The following SMS variants were observed in gnomAD, a reference collection of about 807,000 sequenced individuals.
SMS encodes the protein spermine synthase, also known as spermidine aminopropyltransferase.
In SMS, 3 loss-of-function variants were observed where a neutral mutation model predicts 33.0. That is an observed-to-expected ratio of 0.09 (90% CI 0.04 to 0.23). The LOEUF (loss-of-function observed/expected upper bound fraction) is 0.23, where lower values mean the gene tolerates loss of function less well. Ranked by LOEUF, SMS falls within the 10% of genes least tolerant of loss-of-function variation. The probability of loss-of-function intolerance (pLI) is 1.00; values close to 1 mark genes in which losing one functional copy is unlikely to be tolerated. For missense variants in SMS, 117 were observed against 288.6 expected (o/e 0.41, Z 4.31); for synonymous variants, 103 against 112.2 (o/e 0.92, Z 0.52).
chrX:21,985,246 C>G, intron 9 of SMS, 23 bp downstream of exon 9: 1 of 956,724 alleles, frequency 1.0e-6, no homozygotes, highest in Non-Finnish European at 1.5e-6. Flanking sequence ...ACAGTTTTTT[C>G]CCTCAAAACG....
intron 2 of SMS, among the ~76,000 whole-genome samples, chrX:21,969,086 A>G (rs1286241861): frequency 1.8e-5 from 2 of 111,086 alleles, no homozygotes; most frequent in African/African-American, 6.6e-5. Context: ...ACCCACCTCC[A>G]TGATATTCCA....
At chrX:21,943,484 C>T (rs1197471632) in intron 1 of SMS, among the ~76,000 whole-genome samples, 1 of 111,071 alleles carries the variant, frequency 9.0e-6, no homozygotes, top group Non-Finnish European at 1.9e-5. Context: ...AAAAGATTGA[C>T]GATAAAGACG....
At chrX:21,970,764 T>A (rs1293064267) in intron 2 of SMS, among the ~76,000 whole-genome samples, 4 of 102,928 alleles carry the variant, frequency 3.9e-5, no homozygotes, top group Admixed American at 1.0e-4. Context: ...TTTTTTTTTT[T>A]AATCCAAGCA....
In SMS at chrX:21,940,719, TC is replaced by T; in HGVS notation, c.-102del. 4.8e-6 allele frequency: 3 copies of T among 630,281 alleles called. No homozygotes were observed. In the Admixed American group the frequency reaches 9.9e-5, roughly 21 times the overall value. 51.9% of individuals were successfully genotyped at this position (630,281 alleles called of 1,213,427 possible). On this transcript the variant is annotated 5_prime_UTR_variant, in exon 1 of 11. Transcript: ENST00000404933. Reference sequence around the variant, plus strand: ...CCCCTCCCACCTCCTAGTCCTGGCCTCCCCGGGCGCAGCACACTCCCAGCCG... The same window carrying T: ...CCCCTCCCACCTCCTAGTCCTGGCCTCCCGGGCGCAGCACACTCCCAGCCG...
intron 7 of SMS, among the ~76,000 whole-genome samples, chrX:21,983,061 G>A (rs1925078912): frequency 9.0e-6 from 1 of 110,971 alleles, no homozygotes; most frequent in Non-Finnish European, 1.9e-5. Flanking sequence ...TTGAGTCAAG[G>A]TCTTGCTCTG....
At chrX:21,958,572 T>G (rs1235369380) in intron 1 of SMS, among the ~76,000 whole-genome samples, 6 of 112,599 alleles carry the variant, frequency 5.3e-5, no homozygotes, top group Non-Finnish European at 1.9e-5. Context: ...TTTCATCACC[T>G]CAAAAACAAA....
intron 9 of SMS, among the ~76,000 whole-genome samples, chrX:21,985,609 G>A (rs1321977147): frequency 9.0e-6 from 1 of 111,719 alleles, no homozygotes; most frequent in African/African-American, 3.3e-5. Flanking sequence ...TACATTAATT[G>A]GGGTTAAAAA....
intron 2 of SMS, among the ~76,000 whole-genome samples, chrX:21,969,309 A>G (rs1923958718): frequency 9.0e-6 from 1 of 111,722 alleles, no homozygotes; most frequent in African/African-American, 3.3e-5. Context: ...GATACCTCAA[A>G]TGTATCTAAG....
intron 8 of SMS, 146 bp from the exon 9 acceptor site, chrX:21,984,998 T>C (rs1350255633): frequency 2.7e-5 from 12 of 437,971 alleles, no homozygotes; most frequent in Non-Finnish European, 4.6e-5. Flanking sequence ...TTATCGTTCA[T>C]GAACAAGCTC....
chrX:21,970,495 T>G (rs1924057370), intron 2 of SMS, among the ~76,000 whole-genome samples: 1 of 111,951 alleles, frequency 8.9e-6, no homozygotes, highest in Admixed American at 9.5e-5. Context: ...TAGAAGAGTT[T>G]GTGGACTCTG....
intron 1 of SMS, among the ~76,000 whole-genome samples, chrX:21,966,807 A>G (rs1043403465): frequency 9.0e-6 from 1 of 111,270 alleles, no homozygotes; most frequent in African/African-American, 3.3e-5. Flanking sequence ...CTGAAGTGGA[A>G]TCTCATTTGT....
intron 1 of SMS, among the ~76,000 whole-genome samples, chrX:21,946,688 G>A (rs1602179595): frequency 9.0e-6 from 1 of 111,489 alleles, no homozygotes. Context: ...TGTCACAACT[G>A]GGGAGATGCT....
chrX:21,979,832 T>G (rs1398660061), intron 7 of SMS, among the ~76,000 whole-genome samples: 1 of 109,128 alleles, frequency 9.2e-6, no homozygotes, highest in Non-Finnish European at 1.9e-5. Context: ...AGTATAAAAG[T>G]GTTCCTATTT....
chrX:21,950,603 C>G (rs752474673), intron 1 of SMS, among the ~76,000 whole-genome samples: 152 of 108,553 alleles, frequency 1.4e-3, no homozygotes, highest in African/African-American at 4.9e-3. Flanking sequence ...CCTTGCCCCC[C>G]ACCCCCTGAC....
chrX:21,949,749 C>A (rs1476554031), intron 1 of SMS, among the ~76,000 whole-genome samples: 1 of 111,605 alleles, frequency 9.0e-6, no homozygotes, highest in Non-Finnish European at 1.9e-5. Context: ...ATTCCAAATT[C>A]CTTTGCTGGC....
intron 6 of SMS, 27 bp from the exon 7 acceptor site, chrX:21,978,850 C>T: frequency 9.3e-7 from 1 of 1,078,737 alleles, no homozygotes; most frequent in Non-Finnish European, 1.3e-6. Context: ...TTTGATATAC[C>T]CAAATTCTCC....
intron 7 of SMS, 152 bp from the exon 8 acceptor site, chrX:21,984,152 A>T: frequency 4.0e-6 from 2 of 496,721 alleles, no homozygotes; most frequent in South Asian, 5.6e-5. Flanking sequence ...ACAGACATAG[A>T]TGAAAGTTTT....
At chrX:21,975,289 T>G (rs889884471) in intron 4 of SMS, among the ~76,000 whole-genome samples, 1 of 111,231 alleles carries the variant, frequency 9.0e-6, no homozygotes, top group Non-Finnish European at 1.9e-5. Context: ...GGTAATGGCA[T>G]TTACATCCTG....
intron 1 of SMS, among the ~76,000 whole-genome samples, chrX:21,942,926 A>G (rs1406727932): frequency 2.0e-5 from 2 of 101,856 alleles, no homozygotes; most frequent in African/African-American, 7.5e-5. Flanking sequence ...TGCAACTTCC[A>G]TCTCCTGGGT....
Sources: allele counts gnomAD v4.1 joint callset (sites outside exome capture counted in the v4.1 genomes callset), GRCh38; gene constraint gnomAD v4.1.1; transcripts MANE v1.5; gene names NCBI Gene and HGNC (gene_info 2026-07-23, HGNC 2026-07-21).